PBRM1: variants seen among roughly 807,000 people sequenced by gnomAD.
The protein encoded by PBRM1 is protein polybromo-1.
A neutral mutation model predicts 194.5 loss-of-function variants in PBRM1; 27 were observed. The observed-to-expected ratio is 0.14, with a 90% CI of 0.10 to 0.19. The LOEUF (loss-of-function observed/expected upper bound fraction) is 0.19. Among genes scored for constraint, PBRM1 ranks in the 10% least tolerant of loss-of-function variants. The pLI, the probability that PBRM1 is intolerant of heterozygous loss-of-function variation, is 1.00. For synonymous variants in PBRM1, 655 were observed against 693.2 expected, an observed-to-expected ratio of 0.94 and a Z score of 0.87; for missense variants, 1,466 against 2,077.2, an observed-to-expected ratio of 0.71 and a Z score of 5.72.
intron 4 of PBRM1, among the ~76,000 whole-genome samples, chr3:52,658,795 A>T (rs931872609): frequency 3.3e-5 from 5 of 152,366 alleles, no homozygotes; most frequent in Middle Eastern, 3.4e-3. Flanking sequence ...AGAACAACCT[A>T]TATGAACCTA....
intron 13 of PBRM1, among the ~76,000 whole-genome samples, chr3:52,620,709 T>C (rs1006203155): frequency 3.3e-5 from 5 of 152,322 alleles, no homozygotes; most frequent in African/African-American, 7.2e-5. Context: ...GGAAATCTAG[T>C]TGTATATATG....
chr3:52,668,446 ATCAAATTGGTATCT>A, intron 3 of PBRM1, 38 bp downstream of exon 4: 1 of 1,315,920 alleles, frequency 7.6e-7, no homozygotes, highest in South Asian at 1.4e-5. Flanking sequence ...GAAGCCAATT[ATCAAATTGGTATCT>A]TCCAATTGGT....
chr3:52,644,420 C>G (rs1257662292), intron 8 of PBRM1, among the ~76,000 whole-genome samples: 3 of 152,012 alleles, frequency 2.0e-5, no homozygotes, highest in African/African-American at 7.2e-5. Flanking sequence ...GAGTCTCGCT[C>G]TGTTACCAGG....
intron 17 of PBRM1, among the ~76,000 whole-genome samples, chr3:52,602,305 C>G (rs1404898828): frequency 1.3e-5 from 2 of 152,148 alleles, no homozygotes; most frequent in African/African-American, 2.4e-5. Flanking sequence ...AGGGGTTGCT[C>G]CTCTCTTTCT....
chr3:52,681,706 G>A, upstream of PBRM1: 1 of 1,014,570 alleles, frequency 9.9e-7, no homozygotes, highest in Non-Finnish European at 1.2e-6. Flanking sequence ...AGCTTTACCA[G>A]AGCACAACCA....
intron 2 of PBRM1, among the ~76,000 whole-genome samples, chr3:52,671,214 A>C (rs1362721674): frequency 2.0e-5 from 3 of 152,262 alleles, no homozygotes. Flanking sequence ...TAACTGAAAC[A>C]AAGTATCAAA....
At chr3:52,634,395 C>T (rs556660194) in intron 11 of PBRM1, among the ~76,000 whole-genome samples, 35 of 148,730 alleles carry the variant, frequency 2.4e-4, no homozygotes, top group Non-Finnish European at 4.4e-4. Flanking sequence ...CGAGATCACG[C>T]CACTGCACTC....
chr3:52,669,007 G>A (rs1176657434), intron 2 of PBRM1, among the ~76,000 whole-genome samples: 2 of 152,132 alleles, frequency 1.3e-5, no homozygotes, highest in Non-Finnish European at 2.9e-5. Flanking sequence ...GTGCTCAAAA[G>A]TGTGAAAACA....
intron 17 of PBRM1, among the ~76,000 whole-genome samples, chr3:52,592,389 A>C (rs957028504): frequency 4.6e-5 from 7 of 151,804 alleles, no homozygotes; most frequent in African/African-American, 1.7e-4. Context: ...ACCTTGGCCT[A>C]CCAAAGTGCT....
chr3:52,672,957 TAC>T (rs2096984511), intron 2 of PBRM1, among the ~76,000 whole-genome samples: 1 of 152,176 alleles, frequency 6.6e-6, no homozygotes, highest in Non-Finnish European at 1.5e-5. Context: ...ACAACTTCAA[TAC>T]AGTCTTAAGA....
At chr3:52,566,970 G>C (rs1327605508) in intron 22 of PBRM1, among the ~76,000 whole-genome samples, 1 of 151,692 alleles carries the variant, frequency 6.6e-6, no homozygotes, top group Non-Finnish European at 1.5e-5. Context: ...TCAGAAGGCT[G>C]AGGCAGGAGA....
intron 3 of PBRM1, 24 bp downstream of exon 4, chr3:52,668,474 T>C: frequency 6.5e-7 from 1 of 1,540,162 alleles, no homozygotes; most frequent in Non-Finnish European, 8.8e-7. Context: ...AATTGGTATC[T>C]TTCCAAATTT....
intron 1 of PBRM1, chr3:52,685,532 G>GTGC (rs1228901708): frequency 6.6e-6 from 1 of 151,852 alleles, no homozygotes; most frequent in Non-Finnish European, 1.5e-5. Context: ...CCGACCCGTA[G>GTGC]TGCGCCTTTG....
intron 22 of PBRM1, among the ~76,000 whole-genome samples, chr3:52,566,447 G>A (rs2085236840): frequency 6.6e-6 from 1 of 152,138 alleles, no homozygotes; most frequent in Non-Finnish European, 1.5e-5. Context: ...TCCATTAACA[G>A]ATGTAGTATA....
exon 17 of PBRM1, chr3:52,603,585 C>T (rs199642520): frequency 2.5e-6 from 4 of 1,611,152 alleles, no homozygotes; most frequent in Non-Finnish European, 3.4e-6. Flanking sequence ...TTTCCTTTCT[C>T]TCTTTCTCCA....
chr3:52,603,493 A>G, intron 17 of PBRM1, 28 bp downstream of exon 19: 2 of 1,574,946 alleles, frequency 1.3e-6, no homozygotes, highest in Non-Finnish European at 1.7e-6. Context: ...GCATTTTTTC[A>G]TATTCAATAA....
intron 2 of PBRM1, among the ~76,000 whole-genome samples, chr3:52,676,571 C>A (rs2097109541): frequency 6.6e-6 from 1 of 152,166 alleles, no homozygotes; most frequent in South Asian, 2.1e-4. Context: ...TTCCCAGTCT[C>A]GGGTATGTCT....
intron 25 of PBRM1, among the ~76,000 whole-genome samples, chr3:52,561,323 C>T (rs773502731): frequency 6.6e-6 from 1 of 152,168 alleles, no homozygotes; most frequent in Non-Finnish European, 1.5e-5. Flanking sequence ...AAACCAAGCA[C>T]TTTAGCAAAG....
intron 22 of PBRM1, among the ~76,000 whole-genome samples, chr3:52,568,333 G>T (rs1347239417): frequency 6.6e-6 from 1 of 152,184 alleles, no homozygotes; most frequent in Non-Finnish European, 1.5e-5. Flanking sequence ...CCTGCTGGAT[G>T]TTGATCTTTA....
Sources: gnomAD v4.1 joint callset for allele counts (sites outside exome capture counted in the v4.1 genomes callset) on GRCh38, gnomAD v4.1.1 for gene constraint, MANE v1.5 for transcripts, NCBI Gene and HGNC (gene_info 2026-07-23, HGNC 2026-07-21) for gene names.